Variants in AKAP7 observed in about 807,000 individuals in gnomAD.
AKAP7 encodes the protein A kinase (PRKA) anchor protein 7.
Under a neutral mutation model 39.5 loss-of-function variants are expected in AKAP7, and 39 were observed. The observed-to-expected ratio is 0.99, with a 90% CI of 0.76 to 1.29. AKAP7 has a LOEUF of 1.29. Ranked by LOEUF, AKAP7 falls within the 50% of genes most tolerant of loss-of-function variation. The probability of loss-of-function intolerance (pLI) is 0.00; values close to 1 mark genes in which losing one functional copy is unlikely to be tolerated. For synonymous variants in AKAP7, 140 were observed against 139.1 expected (o/e 1.01, Z -0.05); for missense variants, 414 against 407.7 (o/e 1.02, Z -0.13).
intron 4 of AKAP7, among the ~76,000 whole-genome samples, chr6:131,167,742 T>C (rs1344245589): frequency 6.6e-6 from 1 of 152,140 alleles, no homozygotes; most frequent in Non-Finnish European, 1.5e-5. Context: ...GTACCATACT[T>C]ATAGCTATGT....
intron 7 of AKAP7, among the ~76,000 whole-genome samples, chr6:131,240,417 A>G (rs543042303): frequency 2.4e-4 from 36 of 152,308 alleles, no homozygotes; most frequent in Admixed American, 3.9e-4. Context: ...TGGGAGAACC[A>G]CTAGTCTCTT....
At chr6:131,238,225 T>A (rs1356890718) in intron 7 of AKAP7, among the ~76,000 whole-genome samples, 1 of 152,168 alleles carries the variant, frequency 6.6e-6, no homozygotes, top group East Asian at 1.9e-4. Flanking sequence ...TTTGAGTGAG[T>A]TTCTTAATCC....
intron 5 of AKAP7, among the ~76,000 whole-genome samples, chr6:131,169,897 A>G (rs1218849987): frequency 6.6e-6 from 1 of 151,630 alleles, no homozygotes; most frequent in East Asian, 1.9e-4. Flanking sequence ...ACACACTTGC[A>G]TTATTGGTCT....
chr6:131,197,296 G>A (rs529287880), intron 5 of AKAP7, among the ~76,000 whole-genome samples: 4 of 152,080 alleles, frequency 2.6e-5, no homozygotes, highest in Admixed American at 6.6e-5. Flanking sequence ...ATAGAATTTC[G>A]TATACTGATG....
At chr6:131,158,034 G>T (rs994537872) in intron 2 of AKAP7, among the ~76,000 whole-genome samples, 1 of 152,062 alleles carries the variant, frequency 6.6e-6, no homozygotes, top group Admixed American at 6.6e-5. Context: ...TTTTAAACAC[G>T]CTGTACTATT....
In AKAP7 at chr6:131,185,738, C is replaced by G. The variant is rs138223058; in HGVS notation, c.590-13723C>G. 2.4e-3 allele frequency among the ~76,000 whole-genome samples: 358 copies of G among 152,250 alleles called. 2 individuals carry two copies. The highest frequency in any genetic ancestry group is 8.0e-3 in the African/African-American group (331 of 41,538). On this transcript the variant is annotated intron_variant, in intron 5 of 7. Coordinates refer to ENST00000431975, the MANE Select transcript of AKAP7 (RefSeq NM_016377.4). Reference sequence around the variant, plus strand: ...GAATGTTAATCTCTTATCAGATATACGATTTGCAAATATTTCTCCCACTCC... The same window carrying G: ...GAATGTTAATCTCTTATCAGATATAGGATTTGCAAATATTTCTCCCACTCC...
intron 7 of AKAP7, among the ~76,000 whole-genome samples, chr6:131,241,740 T>G (rs868329101): frequency 6.6e-6 from 1 of 151,872 alleles, no homozygotes; most frequent in Non-Finnish European, 1.5e-5. Context: ...CAGATTTGCT[T>G]TGCAGCTAGT....
intron 2 of AKAP7, among the ~76,000 whole-genome samples, chr6:131,149,490 C>T (rs1467195599): frequency 1.3e-5 from 2 of 152,094 alleles, no homozygotes; most frequent in East Asian, 1.9e-4. Context: ...CAAAAATTAG[C>T]GGGGCATGGT....
chr6:131,155,029 T>A (rs1026891163), intron 2 of AKAP7, among the ~76,000 whole-genome samples: 1 of 152,120 alleles, frequency 6.6e-6, no homozygotes, highest in Non-Finnish European at 1.5e-5. Context: ...ATTTTTTTTT[T>A]TTCTTTCTGA....
intron 7 of AKAP7, among the ~76,000 whole-genome samples, chr6:131,241,635 A>ACGTATATATATATGTGTGTGTGTGTGTG (rs1440702156): frequency 1.2e-5 from 1 of 86,552 alleles, no homozygotes; most frequent in African/African-American, 4.6e-5. Context: ...GTGTATATAT[A>ACGTATATATATATGTGTGTGTGTGTGTG]TATGACAGTT....
chr6:131,257,113 T>TTAAA (rs1303947202), intron 7 of AKAP7, among the ~76,000 whole-genome samples: 1 of 152,030 alleles, frequency 6.6e-6, no homozygotes, highest in Non-Finnish European at 1.5e-5. Flanking sequence ...ATTGAGAAAA[T>TTAAA]TAAATAAGCT....
intron 5 of AKAP7, among the ~76,000 whole-genome samples, chr6:131,181,059 C>T (rs900010191): frequency 3.9e-5 from 6 of 152,050 alleles, no homozygotes; most frequent in Non-Finnish European, 5.9e-5. Flanking sequence ...CCTCAGCCTC[C>T]TGAGTAGCTG....
Position 131,165,228 on chromosome 6 carries a change from T to A in AKAP7, c.428+11T>A, listed in dbSNP as rs778716732. On this transcript the variant is annotated intron_variant, in intron 4 of 7. Transcript: ENST00000431975. The stretch of plus-strand genomic sequence containing the variant: ...AGATGAAGTAAACATGTGAGTAATG[T>A]ATCTTTCTTAAATATAATTTTCCAA... 3.2e-6 allele frequency: 5 copies of A among 1,582,952 alleles called. No individual in the cohort carries two copies. Among genetic ancestry groups the A allele is most frequent in the Non-Finnish European group, 4.3e-6 (5 of 1,164,064 alleles).
chr6:131,134,503 T>C (rs146358286), upstream of AKAP7, among the ~76,000 whole-genome samples: 7 of 152,328 alleles, frequency 4.6e-5, no homozygotes, highest in Non-Finnish European at 8.8e-5. Context: ...CGCAGTTACT[T>C]ATGTTTCTTT....
intron 5 of AKAP7, among the ~76,000 whole-genome samples, chr6:131,181,199 A>G (rs1746466): frequency 0.96 from 146,827 of 152,258 alleles, 70,856 homozygotes; most frequent in East Asian, 1. Flanking sequence ...GCCTCCCAAA[A>G]TGCTGGGATT....
At chr6:131,165,789 C>G (rs373023537) in intron 4 of AKAP7, among the ~76,000 whole-genome samples, 1 of 152,136 alleles carries the variant, frequency 6.6e-6, no homozygotes, top group Non-Finnish European at 1.5e-5. Context: ...GAAGACAACT[C>G]ATTGATTACT....
intron 5 of AKAP7, among the ~76,000 whole-genome samples, chr6:131,174,422 A>T (rs956632482): frequency 6.6e-5 from 10 of 152,226 alleles, no homozygotes; most frequent in Admixed American, 4.6e-4. Flanking sequence ...ACTTCTTTAG[A>T]TATATTTTTA....
intron 5 of AKAP7, among the ~76,000 whole-genome samples, chr6:131,172,114 G>A: frequency 6.6e-6 from 1 of 152,178 alleles, no homozygotes; most frequent in Non-Finnish European, 1.5e-5. Context: ...AAAATCGAGA[G>A]AAAGACAAAT....
At chr6:131,205,028 A>G (rs1393614035) in intron 6 of AKAP7, among the ~76,000 whole-genome samples, 2 of 151,948 alleles carry the variant, frequency 1.3e-5, no homozygotes, top group Non-Finnish European at 2.9e-5. Context: ...TTGTCAGGGT[A>G]GACATGATGA....
Sources: gnomAD v4.1 joint callset for allele counts (sites outside exome capture counted in the v4.1 genomes callset) on GRCh38, gnomAD v4.1.1 for gene constraint, MANE v1.5 for transcripts, NCBI Gene and HGNC (gene_info 2026-07-23, HGNC 2026-07-21) for gene names.